Variants in IL17RD observed in about 807,000 individuals in gnomAD.
IL17RD encodes interleukin-17 receptor D.
Under a neutral mutation model 80.5 loss-of-function variants are expected in IL17RD, and 52 were observed. That is an observed-to-expected ratio of 0.65 (90% CI 0.52 to 0.81). The LOEUF is 0.81. IL17RD is among the 40% of genes least tolerant of loss of function. The pLI, the probability that IL17RD is intolerant of heterozygous loss-of-function variation, is 0.00. For missense variants in IL17RD, 1,024 were observed against 955.1 expected (o/e 1.07, Z -0.95); for synonymous variants, 416 against 391.8 (o/e 1.06, Z -0.73).
intron 8 of IL17RD, 146 bp downstream of exon 8, chr3:57,104,196 T>C (rs914447156): frequency 1.5e-5 from 9 of 604,782 alleles, no homozygotes; most frequent in African/African-American, 9.5e-5. Context: ...ATATAAACTT[T>C]TTTTAAAAGC....
intron 1 of IL17RD, among the ~76,000 whole-genome samples, chr3:57,155,819 G>A (rs775247831): frequency 3.9e-5 from 6 of 152,186 alleles, no homozygotes; most frequent in Non-Finnish European, 8.8e-5. Context: ...TTGAACTCCT[G>A]ACCTCAGGTG....
At chr3:57,103,252 G>A (rs1706879288) in intron 8 of IL17RD, 107 bp from the exon 9 acceptor site, 1 of 891,158 alleles carries the variant, frequency 1.1e-6, no homozygotes, top group East Asian at 2.6e-5. Flanking sequence ...GGCAGTGCGG[G>A]AAGGGGTGGG....
At chr3:57,108,573 T>C (rs1315513641) in intron 5 of IL17RD, among the ~76,000 whole-genome samples, 1 of 131,026 alleles carries the variant, frequency 7.6e-6, no homozygotes, top group Non-Finnish European at 1.6e-5. Context: ...TGGAGTACAG[T>C]GGCTTGATCT....
At chr3:57,157,575 C>T (rs568110768) in intron 1 of IL17RD, among the ~76,000 whole-genome samples, 1 of 152,208 alleles carries the variant, frequency 6.6e-6, no homozygotes, top group Admixed American at 6.5e-5. Flanking sequence ...CTGTGCTGCA[C>T]CCAGAGCAAA....
chr3:57,156,374 G>A (rs1262761548), intron 1 of IL17RD, among the ~76,000 whole-genome samples: 1 of 152,044 alleles, frequency 6.6e-6, no homozygotes, highest in Non-Finnish European at 1.5e-5. Context: ...GACCAGCCTG[G>A]GCAACATAAT....
At chr3:57,139,705 G>T (rs1276726425) in intron 1 of IL17RD, among the ~76,000 whole-genome samples, 1 of 151,996 alleles carries the variant, frequency 6.6e-6, no homozygotes, top group Non-Finnish European at 1.5e-5. Context: ...TAGAGACAGG[G>T]TTTCACCATG....
chr3:57,097,985 C>T lies in IL17RD; in HGVS notation c.1718G>A (p.Arg573His), dbSNP rs776344177. ...QFVPFHPPPL[R>H]YREPVLEKFD... is the part of the protein sequence containing the mutation. Reference sequence around the variant, plus strand: ...TTTCTCCAAGACTGGCTCCCGGTAGCGCAGTGGAGGAGGATGGAAGGGAAC... The same window carrying T: ...TTTCTCCAAGACTGGCTCCCGGTAGTGCAGTGGAGGAGGATGGAAGGGAAC... Residue 573 changes from arginine to histidine, a missense_variant, in exon 12 of 13, where the codon CGC (arginine) becomes CAC (histidine). Coordinates refer to ENST00000296318, the MANE Select transcript of IL17RD (RefSeq NM_017563.5). The T allele has an allele frequency of 4.3e-6, 7 of 1,614,022 alleles. No homozygotes were observed. The South Asian group carries it at 4.4e-5, about 10-fold the overall frequency.
intron 1 of IL17RD, among the ~76,000 whole-genome samples, chr3:57,141,404 G>A (rs1036008776): frequency 2.0e-5 from 3 of 152,036 alleles, no homozygotes; most frequent in African/African-American, 7.2e-5. Context: ...TATTTTTCAG[G>A]GAATATGTAG....
Position 57,104,349 on chromosome 3 carries a change from AT to A in IL17RD, c.805del (p.Ile269Ter), listed in dbSNP as rs751207695. On this transcript the variant is annotated frameshift_variant, in exon 8 of 13. Transcript: ENST00000296318. LOFTEE classifies it high-confidence loss of function. The part of the protein sequence containing the change: ...LLQNVSPGDY[I>X]IELVDDTNTT... Reference sequence around the variant, plus strand: ...TTCTTGTGTTATGCATACCTCAATTATATAATCCCCTGGAGAAACATTTTGA... The same window carrying A: ...TTCTTGTGTTATGCATACCTCAATTAATAATCCCCTGGAGAAACATTTTGA... 1 of 1,605,310 alleles carries A rather than the reference AT, an allele frequency of 6.2e-7. No homozygotes were observed. Among genetic ancestry groups the A allele is most frequent in the Admixed American group, 1.7e-5 (1 of 59,784 alleles).
intron 2 of IL17RD, among the ~76,000 whole-genome samples, 168 bp from the exon 3 acceptor site, chr3:57,114,985 GAA>G (rs985503997): frequency 4.6e-5 from 7 of 152,074 alleles, no homozygotes; most frequent in African/African-American, 1.7e-4. Context: ...CTACTGCTTG[GAA>G]AACTGTAAGA....
intron 1 of IL17RD, chr3:57,164,778 G>T: frequency 1.8e-6 from 1 of 541,678 alleles, no homozygotes. Context: ...GCGCAACCCG[G>T]TCCGGGTGGC....
chr3:57,107,524 A>T (rs1183446935), intron 5 of IL17RD, among the ~76,000 whole-genome samples: 1 of 152,172 alleles, frequency 6.6e-6, no homozygotes, highest in Non-Finnish European at 1.5e-5. Context: ...CTGCAACCAG[A>T]CCTCACAGGA....
Position 57,106,160 on chromosome 3 carries a change from A to G in IL17RD, c.551-6T>C. ...CTGTAACAACAGGTCACAGGCTATT[A>G]AGAGAATAAAGATACATGTTTTTAG... On this transcript the variant is annotated splice_region_variant and splice_polypyrimidine_tract_variant and intron_variant, in intron 5 of 12. Transcript: ENST00000296318. 2 of 1,605,358 alleles carry G rather than the reference A, an allele frequency of 1.2e-6. No homozygotes were observed. The highest frequency in any genetic ancestry group is 1.7e-6 in the Non-Finnish European group (2 of 1,173,750).
At chr3:57,161,704 T>TTCTA (rs2060306241) in intron 1 of IL17RD, among the ~76,000 whole-genome samples, 1 of 152,202 alleles carries the variant, frequency 6.6e-6, no homozygotes, top group African/African-American at 2.4e-5. Flanking sequence ...ATAAAAAGGC[T>TTCTA]TCTAGACCAG....
intron 1 of IL17RD, among the ~76,000 whole-genome samples, chr3:57,130,213 T>A (rs987066934): frequency 6.6e-6 from 1 of 152,186 alleles, no homozygotes; most frequent in Non-Finnish European, 1.5e-5. Flanking sequence ...CCAGAGCTCA[T>A]GAAGGCCACC....
intron 1 of IL17RD, among the ~76,000 whole-genome samples, chr3:57,122,586 C>A (rs1466592889): frequency 6.6e-6 from 1 of 152,102 alleles, no homozygotes; most frequent in Non-Finnish European, 1.5e-5. Flanking sequence ...CTAACTAATG[C>A]CTGATGATCT....
chr3:57,165,697 T>G (rs2060345070), upstream of IL17RD, among the ~76,000 whole-genome samples: 1 of 152,212 alleles, frequency 6.6e-6, no homozygotes, highest in Non-Finnish European at 1.5e-5. Flanking sequence ...ACCTGCTATG[T>G]GCCAGACCCC....
intron 1 of IL17RD, among the ~76,000 whole-genome samples, chr3:57,136,799 T>A (rs1162781245): frequency 6.6e-6 from 1 of 152,178 alleles, no homozygotes; most frequent in East Asian, 1.9e-4. Flanking sequence ...CTTTTGCACT[T>A]GGGAAAGCCA....
chr3:57,127,252 AAAT>A, intron 1 of IL17RD, among the ~76,000 whole-genome samples: 1 of 103,346 alleles, frequency 9.7e-6, no homozygotes, highest in East Asian at 3.1e-4. Flanking sequence ...ATATATATAT[AAAT>A]ATATATAAAT....
Sources: allele counts gnomAD v4.1 joint callset (sites outside exome capture counted in the v4.1 genomes callset), GRCh38; gene constraint gnomAD v4.1.1; transcripts MANE v1.5; gene names NCBI Gene and HGNC (gene_info 2026-07-23, HGNC 2026-07-21).